WASHC5: variants seen among roughly 807,000 people sequenced by gnomAD.
WASHC5 encodes the protein WASH complex subunit 5, also known as WASH complex subunit strumpellin.
A neutral mutation model predicts 150.4 loss-of-function variants in WASHC5; 101 were observed. The observed-to-expected ratio is 0.67, with a 90% CI of 0.57 to 0.79. The LOEUF (loss-of-function observed/expected upper bound fraction) is 0.79. Among genes scored for constraint, WASHC5 ranks in the 30% least tolerant of loss-of-function variants. The pLI is 0.00. For synonymous variants in WASHC5, 467 were observed against 491.2 expected (o/e 0.95, Z 0.65); for missense variants, 1,195 against 1,396.3 (o/e 0.86, Z 2.30).
chr8:125,065,379 C>A (rs979691588), intron 10 of WASHC5, among the ~76,000 whole-genome samples: 3 of 152,082 alleles, frequency 2.0e-5, no homozygotes, highest in Middle Eastern at 3.4e-3. Context: ...TGAGGTGGTA[C>A]TCCTTTATGC....
intron 11 of WASHC5, among the ~76,000 whole-genome samples, chr8:125,061,430 C>T (rs535903922): frequency 6.6e-6 from 1 of 152,260 alleles, no homozygotes; most frequent in East Asian, 1.9e-4. Flanking sequence ...GGCTCAAGTG[C>T]ATGCTATAAA....
chr8:125,089,222 A>T (rs1164132962), intron 1 of WASHC5, among the ~76,000 whole-genome samples: 1 of 152,174 alleles, frequency 6.6e-6, no homozygotes, highest in African/African-American at 2.4e-5. Context: ...ACAGTGGGCA[A>T]AACAGTCACA....
chr8:125,042,301 A>C (rs1243643800), intron 23 of WASHC5, among the ~76,000 whole-genome samples: 1 of 152,196 alleles, frequency 6.6e-6, no homozygotes, highest in Non-Finnish European at 1.5e-5. Context: ...TTAATATGAA[A>C]TAAAATTAAA....
At chr8:125,060,671 T>C (rs1816568531) in intron 12 of WASHC5, among the ~76,000 whole-genome samples, 1 of 152,176 alleles carries the variant, frequency 6.6e-6, no homozygotes, top group African/African-American at 2.4e-5. Context: ...CTTATAAGCA[T>C]ATGACCATTA....
At chr8:125,072,809 T>C (rs77483821) in intron 9 of WASHC5, among the ~76,000 whole-genome samples, 4,436 of 152,300 alleles carry the variant, frequency 0.029, 128 homozygotes, top group South Asian at 0.16. Flanking sequence ...TGAACATCTC[T>C]GGGTGTGGGC....
chr8:125,047,193 T>G lies in WASHC5; in HGVS notation c.2504+14A>C. On this transcript the variant is annotated intron_variant, in intron 20 of 28. Transcript: ENST00000318410. ...TGCAGTATTCAGGGCTCTGTAGAAT[T>G]CAGGTACACCTACTTTGGGTCTGTG... The G allele has an allele frequency of 6.2e-7, 1 of 1,613,866 alleles. No individual in the cohort carries two copies.
Position 125,088,831 on chromosome 8 carries a change from A to T in WASHC5, c.-125+2784T>A, listed in dbSNP as rs73704528. On this transcript the variant is annotated intron_variant, in intron 1 of 28. Transcript: ENST00000318410. ...GTTCTGGCATAGTTTATTATGCAGCAATAGATAATGATCCTAATAATGGCA... is the reference window on the plus strand; with the variant it reads ...GTTCTGGCATAGTTTATTATGCAGCTATAGATAATGATCCTAATAATGGCA... Among the ~76,000 whole-genome samples the T allele has an allele frequency of 4.3e-3, 655 of 152,272 alleles. 5 individuals are homozygous for T. The highest frequency in any genetic ancestry group is 0.015 in the African/African-American group (625 of 41,558).
At chr8:125,050,757 G>A in intron 17 of WASHC5, 92 bp from the exon 18 acceptor site, 1 of 937,816 alleles carries the variant, frequency 1.1e-6, no homozygotes, top group Non-Finnish European at 1.7e-6. Context: ...ATCTGCAGTG[G>A]GGCATTTTCC....
intron 28 of WASHC5, among the ~76,000 whole-genome samples, chr8:125,027,534 C>T (rs781643969): frequency 2.0e-4 from 30 of 152,158 alleles, no homozygotes; most frequent in Admixed American, 8.5e-4. Context: ...AACCAAACAT[C>T]GTATATTCCT....
At chr8:125,056,608 A>C in intron 16 of WASHC5, 69 bp downstream of exon 16, 4 of 1,570,288 alleles carry the variant, frequency 2.5e-6, no homozygotes, top group Non-Finnish European at 3.5e-6. Flanking sequence ...GGCAGGTGAC[A>C]CAGGCCTGTG....
At chr8:125,090,581 T>A (rs1433459936) in intron 1 of WASHC5, among the ~76,000 whole-genome samples, 3 of 152,230 alleles carry the variant, frequency 2.0e-5, no homozygotes, top group Non-Finnish European at 4.4e-5. Flanking sequence ...TTTTTAATAA[T>A]TTGGCGTGGA....
intron 1 of WASHC5, among the ~76,000 whole-genome samples, chr8:125,089,816 T>A (rs973609522): frequency 6.6e-6 from 1 of 152,184 alleles, no homozygotes; most frequent in African/African-American, 2.4e-5. Context: ...TAGACAACTT[T>A]AAAAGAACAT....
At chr8:125,084,945 T>C (rs1234816012) in intron 1 of WASHC5, among the ~76,000 whole-genome samples, 1 of 152,204 alleles carries the variant, frequency 6.6e-6, no homozygotes, top group Non-Finnish European at 1.5e-5. Context: ...GCCAGGATCA[T>C]TAAAAGAGTA....
chr8:125,054,545 G>A (rs944198045), intron 17 of WASHC5, among the ~76,000 whole-genome samples: 2 of 152,146 alleles, frequency 1.3e-5, no homozygotes, highest in African/African-American at 2.4e-5. Context: ...GTTAAAAGAC[G>A]GATATGGGCC....
At position 125,037,113 on chromosome 8, in the gene WASHC5, A is replaced by T; in HGVS notation, c.3181+124T>A. On this transcript the variant is annotated intron_variant, in intron 26 of 28. Coordinates refer to ENST00000318410, the MANE Select transcript of WASHC5 (RefSeq NM_014846.4). ...AAAGGCATAAAGACTCGAATTTCAT[A>T]AACATAAATTTAACTAAGAAAAGAT... 7.2e-6 allele frequency: 5 copies of T among 690,914 alleles called. No individual in the cohort carries two copies. The South Asian group carries it at 8.0e-5, about 11-fold the overall frequency. The allele number at this position is 690,914 out of a possible 1,614,324, so 42.8% of individuals were successfully genotyped here. A position where few individuals can be genotyped will look rare whatever the true frequency, so the allele number is the denominator to read the frequency against.
intron 16 of WASHC5, 148 bp downstream of exon 16, chr8:125,056,529 C>A: frequency 1.1e-6 from 1 of 899,698 alleles, no homozygotes; most frequent in Non-Finnish European, 1.8e-6. Flanking sequence ...GTACTAAAAT[C>A]ATAAAACGCG....
chr8:125,043,709 T>A (rs753583376), intron 23 of WASHC5, 116 bp downstream of exon 23: 1 of 731,032 alleles, frequency 1.4e-6, no homozygotes, highest in Non-Finnish European at 2.4e-6. Flanking sequence ...ATTAAAATAT[T>A]TTTGATTTAA....
chr8:125,064,681 G>C (rs1014180383), intron 10 of WASHC5, among the ~76,000 whole-genome samples: 2 of 152,000 alleles, frequency 1.3e-5, no homozygotes, highest in African/African-American at 2.4e-5. Flanking sequence ...CTCAGACAAG[G>C]GTAGATGGTC....
At chr8:125,091,292 T>C (rs1329128641) in intron 1 of WASHC5, among the ~76,000 whole-genome samples, 2 of 152,136 alleles carry the variant, frequency 1.3e-5, no homozygotes, top group African/African-American at 4.8e-5. Flanking sequence ...ACTACTAGCC[T>C]TTCAGTTTTC....
Sources: allele counts gnomAD v4.1 joint callset (sites outside exome capture counted in the v4.1 genomes callset), GRCh38; gene constraint gnomAD v4.1.1; transcripts MANE v1.5; gene names NCBI Gene and HGNC (gene_info 2026-07-23, HGNC 2026-07-21).